The following RAB3GAP2 variants were observed in gnomAD, a reference collection of about 807,000 sequenced individuals.
RAB3GAP2 encodes the protein rab3 GTPase-activating protein non-catalytic subunit.
A neutral mutation model predicts 185.3 loss-of-function variants in RAB3GAP2; 87 were observed. The observed-to-expected ratio is 0.47, with a 90% CI of 0.39 to 0.56. The LOEUF (loss-of-function observed/expected upper bound fraction) is 0.56. Among genes scored for constraint, RAB3GAP2 ranks in the 20% least tolerant of loss-of-function variants. The pLI is 0.00. For missense variants in RAB3GAP2, 1,492 were observed against 1,638.2 expected, an observed-to-expected ratio of 0.91 and a Z score of 1.54; for synonymous variants, 554 against 576.1, an observed-to-expected ratio of 0.96 and a Z score of 0.55.
intron 27 of RAB3GAP2, 125 bp from the exon 28 acceptor site, chr1:220,162,393 T>G: frequency 1.5e-6 from 1 of 668,768 alleles, no homozygotes; most frequent in Middle Eastern, 3.7e-4. Flanking sequence ...TTATATCTCA[T>G]GTAATATTTA....
intron 21 of RAB3GAP2, among the ~76,000 whole-genome samples, chr1:220,177,613 T>A (rs1404247144): frequency 6.6e-6 from 1 of 151,830 alleles, no homozygotes; most frequent in African/African-American, 2.4e-5. Flanking sequence ...GTTGAAATAC[T>A]AATGAAAAAA....
At position 220,272,402 on chromosome 1, in the gene RAB3GAP2, T is replaced by C. The variant is rs1250149721; in HGVS notation, c.-65A>G. Reference sequence around the variant, plus strand: ...CCACGCCCTGCCCCCTCCACCCCACTGCGGCCGCCACCGAGCCCCAATAGC... The same window carrying C: ...CCACGCCCTGCCCCCTCCACCCCACCGCGGCCGCCACCGAGCCCCAATAGC... On this transcript the variant is annotated 5_prime_UTR_variant, in exon 1 of 35. Coordinates refer to ENST00000358951, the MANE Select transcript of RAB3GAP2 (RefSeq NM_012414.4). 1.7e-6 allele frequency: 2 copies of C among 1,183,746 alleles called. No homozygotes were observed. Among genetic ancestry groups the C allele is most frequent in the Non-Finnish European group, 2.5e-6 (2 of 811,154 alleles). The allele number at this position is 1,183,746 out of a possible 1,614,324, so 73.3% of individuals were successfully genotyped here.
chr1:220,186,846 G>A (rs994652635), intron 17 of RAB3GAP2, among the ~76,000 whole-genome samples: 4 of 152,092 alleles, frequency 2.6e-5, no homozygotes, highest in Non-Finnish European at 4.4e-5. Flanking sequence ...TAAGAAGAAA[G>A]ATGGCATAAA....
At chr1:220,246,702 T>C (rs1659824463) in intron 1 of RAB3GAP2, among the ~76,000 whole-genome samples, 1 of 131,278 alleles carries the variant, frequency 7.6e-6, no homozygotes, top group Admixed American at 7.8e-5. Context: ...TTCTCACTCA[T>C]AGGTGGGAAT....
At position 220,272,333 on chromosome 1, in the gene RAB3GAP2, GC is replaced by G. The variant is rs1558178732; in HGVS notation, c.4del (p.Ala2ProfsTer89). M[A>X]CSIVQFCYFQ... Reference sequence around the variant, plus strand: ...GTAGCAGAACTGGACAATGGAGCAGGCCATGGCTCCAGGGAACCCCACTACG... The same window carrying G: ...GTAGCAGAACTGGACAATGGAGCAGGCATGGCTCCAGGGAACCCCACTACG... On this transcript the variant is annotated frameshift_variant, in exon 1 of 35. Transcript: ENST00000358951. LOFTEE classifies it high-confidence loss of function. The G allele has an allele frequency of 6.2e-7, 1 of 1,606,700 alleles. No homozygotes were observed. The highest frequency in any genetic ancestry group is 1.3e-5 in the African/African-American group (1 of 74,862).
intron 10 of RAB3GAP2, 67 bp downstream of exon 10, chr1:220,196,183 A>G: frequency 6.5e-7 from 1 of 1,528,880 alleles, no homozygotes; most frequent in Non-Finnish European, 9.1e-7. Flanking sequence ...AAGTTACCAT[A>G]TCCAATTTGT....
At chr1:220,220,952 A>G (rs1659294692) in intron 2 of RAB3GAP2, among the ~76,000 whole-genome samples, 1 of 152,154 alleles carries the variant, frequency 6.6e-6, no homozygotes. Flanking sequence ...GGACTAACAC[A>G]CTGGCCTACG....
At chr1:220,253,712 G>C in intron 1 of RAB3GAP2, 2 of 1,609,764 alleles carry the variant, frequency 1.2e-6, no homozygotes, top group Non-Finnish European at 1.7e-6. Context: ...CATTACAGTG[G>C]TTGGAATAAA....
chr1:220,185,357 G>A (rs970955510), intron 18 of RAB3GAP2, among the ~76,000 whole-genome samples: 7 of 152,106 alleles, frequency 4.6e-5, no homozygotes, highest in Non-Finnish European at 8.8e-5. Context: ...CTGATACACT[G>A]ATAGAACATT....
At chr1:220,215,124 A>T (rs939787254) in intron 2 of RAB3GAP2, among the ~76,000 whole-genome samples, 16 of 151,866 alleles carry the variant, frequency 1.1e-4, no homozygotes, top group African/African-American at 3.9e-4. Context: ...ATATGCGTGG[A>T]CATTTGTATT....
intron 1 of RAB3GAP2, among the ~76,000 whole-genome samples, chr1:220,264,263 A>C (rs1660191237): frequency 6.6e-6 from 1 of 152,122 alleles, no homozygotes; most frequent in South Asian, 2.1e-4. Flanking sequence ...GAGTTATTAC[A>C]ATTATTTTAT....
At chr1:220,151,838 C>T in intron 33 of RAB3GAP2, 74 bp from the exon 34 acceptor site, 1 of 1,449,868 alleles carries the variant, frequency 6.9e-7, no homozygotes, top group Admixed American at 1.7e-5. Context: ...AAGGGGTTGC[C>T]AGTGAAGAGA....
At chr1:220,157,718 A>G in intron 30 of RAB3GAP2, 84 bp downstream of exon 30, 1 of 1,282,034 alleles carries the variant, frequency 7.8e-7, no homozygotes, top group Non-Finnish European at 1.1e-6. Context: ...AACCTCATTA[A>G]AATAGTCATT....
In RAB3GAP2 at chr1:220,191,085, A is replaced by G. The variant is rs563637725; in HGVS notation, c.1470T>C (p.Asn490=). The change falls in exon 14 of 35, where the codon AAT becomes AAC. Residue 490 remains asparagine (N), a synonymous_variant. Transcript: ENST00000358951. ...CAGCTTACCTGCAGTGCTTCCCCAC[A>G]TTGAAAGCTCCTACTCTAGGTCCCT... ...TQQGPRVGAF[N]VGKHCRLLYP... The G allele has an allele frequency of 2.5e-5, 41 of 1,613,634 alleles. No individual in the cohort carries two copies. Among genetic ancestry groups the G allele is most frequent in the East Asian group, 2.2e-5 (1 of 44,874 alleles).
At chr1:220,169,873 T>C (rs2102858301) in intron 24 of RAB3GAP2, among the ~76,000 whole-genome samples, 1 of 152,352 alleles carries the variant, frequency 6.6e-6, no homozygotes, top group East Asian at 1.9e-4. Flanking sequence ...TACATGCTAA[T>C]ATTTTATGAA....
intron 26 of RAB3GAP2, among the ~76,000 whole-genome samples, chr1:220,165,911 C>T (rs1281898423): frequency 6.6e-6 from 1 of 152,164 alleles, no homozygotes; most frequent in Non-Finnish European, 1.5e-5. Flanking sequence ...TGCAAGCTGC[C>T]TTTGGTTTAT....
intron 12 of RAB3GAP2, 143 bp from the exon 13 acceptor site, chr1:220,193,522 TATTA>T: frequency 1.2e-6 from 1 of 827,538 alleles, no homozygotes; most frequent in Non-Finnish European, 1.9e-6. Context: ...ATAGTTAATT[TATTA>T]ATCACAACTG....
intron 2 of RAB3GAP2, among the ~76,000 whole-genome samples, chr1:220,230,659 A>G (rs967448256): frequency 6.6e-6 from 1 of 152,300 alleles, no homozygotes; most frequent in South Asian, 2.1e-4. Flanking sequence ...CCAACTGGGT[A>G]TGACACAACA....
chr1:220,179,630 A>T (rs1429975147), intron 21 of RAB3GAP2, among the ~76,000 whole-genome samples: 1 of 152,216 alleles, frequency 6.6e-6, no homozygotes, highest in Non-Finnish European at 1.5e-5. Flanking sequence ...CCACAAAACA[A>T]TTCTCAACAA....
Sources: allele counts gnomAD v4.1 joint callset (sites outside exome capture counted in the v4.1 genomes callset), GRCh38; gene constraint gnomAD v4.1.1; transcripts MANE v1.5; gene names NCBI Gene and HGNC (gene_info 2026-07-23, HGNC 2026-07-21).